The following THEMIS variants were observed in gnomAD, a reference collection of about 807,000 sequenced individuals.
The protein encoded by THEMIS is protein THEMIS.
Under a neutral mutation model 52.6 loss-of-function variants are expected in THEMIS, and 37 were observed. The ratio of observed to expected loss-of-function variants is 0.70; its 90% CI spans 0.54 to 0.93. The LOEUF is 0.93. THEMIS is among the 40% of genes least tolerant of loss of function. The pLI is 0.00. For missense variants in THEMIS, 808 were observed against 763.1 expected (o/e 1.06, Z -0.69); for synonymous variants, 292 against 272.7 (o/e 1.07, Z -0.70).
chr6:127,712,894 A>C (rs546465106), intron 5 of THEMIS, among the ~76,000 whole-genome samples: 1 of 152,036 alleles, frequency 6.6e-6, no homozygotes. Flanking sequence ...TTTTAGAGGA[A>C]TCAAGCTGAA....
At position 127,763,089 on chromosome 6, in the gene THEMIS, G is replaced by T. The variant is rs142347147; in HGVS notation, c.1759-43266C>A. Among the ~76,000 whole-genome samples the T allele has an allele frequency of 1.8e-3, 269 of 151,990 alleles. 1 individual carries two copies. Among genetic ancestry groups the T allele is most frequent in the African/African-American group, 6.0e-3 (250 of 41,506 alleles). On this transcript the variant is annotated intron_variant, in intron 4 of 5. Coordinates refer to ENST00000368248, the MANE Select transcript of THEMIS (RefSeq NM_001010923.3). ...CTTTGAAAAATTAATCCCAACCAGGGTTTACTCTCTTACCTATTAGCTTGA... is the reference window on the plus strand; with the variant it reads ...CTTTGAAAAATTAATCCCAACCAGGTTTTACTCTCTTACCTATTAGCTTGA...
chr6:127,859,475 C>T (rs1437513656), intron 1 of THEMIS, among the ~76,000 whole-genome samples: 1 of 151,498 alleles, frequency 6.6e-6, no homozygotes, highest in Non-Finnish European at 1.5e-5. Context: ...ACCTCCCCCA[C>T]AGCTAGTAAA....
chr6:127,783,941 G>A (rs996846405), intron 4 of THEMIS, among the ~76,000 whole-genome samples: 1 of 152,202 alleles, frequency 6.6e-6, no homozygotes, highest in Non-Finnish European at 1.5e-5. Context: ...GCACACGTAT[G>A]TTTATTGCAG....
At chr6:127,784,151 C>A (rs1776842463) in intron 4 of THEMIS, among the ~76,000 whole-genome samples, 3 of 152,104 alleles carry the variant, frequency 2.0e-5, no homozygotes, top group Admixed American at 6.6e-5. Context: ...AAACCAAACA[C>A]CGCATATTGT....
At chr6:127,857,485 A>G (rs1779655509) in intron 1 of THEMIS, among the ~76,000 whole-genome samples, 2 of 152,070 alleles carry the variant, frequency 1.3e-5, no homozygotes, top group African/African-American at 4.8e-5. Context: ...AGACTAGGGA[A>G]GTAGAGGGAG....
intron 4 of THEMIS, among the ~76,000 whole-genome samples, chr6:127,757,658 A>G (rs1465828599): frequency 4.6e-5 from 7 of 151,718 alleles, no homozygotes; most frequent in Non-Finnish European, 8.8e-5. Context: ...AGATTTTCGT[A>G]TTTTTTAGTA....
intron 4 of THEMIS, among the ~76,000 whole-genome samples, chr6:127,791,324 G>GTA (rs1015658672): frequency 3.9e-5 from 6 of 152,208 alleles, no homozygotes; most frequent in African/African-American, 1.4e-4. Flanking sequence ...CCCACAGTGG[G>GTA]TAGCTCCTTT....
chr6:127,867,005 C>T (rs2114362649), intron 1 of THEMIS, among the ~76,000 whole-genome samples: 1 of 150,334 alleles, frequency 6.7e-6, no homozygotes, highest in East Asian at 1.9e-4. Flanking sequence ...AACTCAGTAG[C>T]CAAGAAAGAA....
the THEMIS span, among the ~76,000 whole-genome samples, chr6:127,703,035 GTTTTTTTTTTTT>G: frequency 5.0e-4 from 41 of 82,386 alleles, 1 homozygote; most frequent in Non-Finnish European, 6.7e-4. Flanking sequence ...TTTAGAATGA[GTTTTTTTTTTTT>G]TTTTTTTTTT....
At chr6:127,799,834 A>G (rs1325755538) in intron 4 of THEMIS, among the ~76,000 whole-genome samples, 1 of 152,170 alleles carries the variant, frequency 6.6e-6, no homozygotes, top group Non-Finnish European at 1.5e-5. Flanking sequence ...CCATGATAAC[A>G]AGTCATATTC....
At chr6:127,703,811 T>C (rs1310266994), downstream of THEMIS, among the ~76,000 whole-genome samples, 1 of 152,224 alleles carries the variant, frequency 6.6e-6, no homozygotes, top group East Asian at 1.9e-4. Flanking sequence ...TTGCACTATA[T>C]TTGTTCTGGG....
At chr6:127,785,973 C>T (rs1024342228) in intron 4 of THEMIS, among the ~76,000 whole-genome samples, 1 of 152,042 alleles carries the variant, frequency 6.6e-6, no homozygotes, top group Admixed American at 6.5e-5. Flanking sequence ...ACCTCATCTT[C>T]TCATATGTAC....
At chr6:127,847,813 C>A (rs1445118298) in intron 2 of THEMIS, among the ~76,000 whole-genome samples, 1 of 151,270 alleles carries the variant, frequency 6.6e-6, no homozygotes, top group African/African-American at 2.4e-5. Flanking sequence ...TTTTATGGAA[C>A]CAAAAAGAGC....
At chr6:127,699,760 A>G in the THEMIS span, among the ~76,000 whole-genome samples, 1 of 151,550 alleles carries the variant, frequency 6.6e-6, no homozygotes, top group African/African-American at 2.4e-5. Flanking sequence ...TAAAGGCAGG[A>G]AGAATAAAAA....
Position 127,785,006 on chromosome 6 carries a change from T to TTATC in THEMIS, c.1758+27873_1758+27876dup, listed in dbSNP as rs139061232. 9.4e-5 allele frequency among the ~76,000 whole-genome samples: 11 copies of TTATC among 117,286 alleles called. No individual in the cohort carries two copies. In the East Asian group the frequency reaches 1.3e-3, roughly 14 times the overall value. 76.9% of individuals were successfully genotyped at this position (117,286 alleles called of 152,430 possible). ...ATCTATCTATCTATCTATCTATCTATTATCTATCTATCTATCTACCTATCA... is the reference window on the plus strand; with the variant it reads ...ATCTATCTATCTATCTATCTATCTATTATCTATCTATCTATCTATCTACCTATCA... On this transcript the variant is annotated intron_variant, in intron 4 of 5. Coordinates refer to ENST00000368248, the MANE Select transcript of THEMIS (RefSeq NM_001010923.3).
intron 4 of THEMIS, 95 bp from the exon 5 acceptor site, chr6:127,719,918 G>A: frequency 6.9e-7 from 1 of 1,450,868 alleles, no homozygotes; most frequent in Non-Finnish European, 9.4e-7. Context: ...ATTTCTGTAT[G>A]TCTGAAACAG....
chr6:127,799,521 C>T (rs868150956), intron 4 of THEMIS, among the ~76,000 whole-genome samples: 3 of 136,696 alleles, frequency 2.2e-5, no homozygotes, highest in South Asian at 2.2e-4. Context: ...ATCTTTCTTT[C>T]TTTCTTTCTC....
chr6:127,871,766 T>A (rs1780163987), intron 1 of THEMIS, among the ~76,000 whole-genome samples: 1 of 152,138 alleles, frequency 6.6e-6, no homozygotes, highest in Non-Finnish European at 1.5e-5. Flanking sequence ...AATAGATAAC[T>A]TGTTCAGTCC....
At chr6:127,744,822 C>T (rs1019493900) in intron 4 of THEMIS, among the ~76,000 whole-genome samples, 1 of 151,462 alleles carries the variant, frequency 6.6e-6, no homozygotes, top group Non-Finnish European at 1.5e-5. Flanking sequence ...GATCCCATGT[C>T]AAGTGTACTT....
Sources: gnomAD v4.1 joint callset for allele counts (sites outside exome capture counted in the v4.1 genomes callset) on GRCh38, gnomAD v4.1.1 for gene constraint, MANE v1.5 for transcripts, NCBI Gene and HGNC (gene_info 2026-07-23, HGNC 2026-07-21) for gene names.